AHI1: variants seen among roughly 807,000 people sequenced by gnomAD.
The protein encoded by AHI1 is Abelson helper integration site 1.
In AHI1, 123 loss-of-function variants were observed where a neutral mutation model predicts 149.3. The ratio of observed to expected loss-of-function variants is 0.82; its 90% CI spans 0.71 to 0.96. The LOEUF is 0.96. AHI1 is among the 40% of genes least tolerant of loss of function. AHI1 has a pLI of 0.00. For synonymous variants in AHI1, 475 were observed against 459.8 expected, an observed-to-expected ratio of 1.03 and a Z score of -0.42; for missense variants, 1,439 against 1,422.7, an observed-to-expected ratio of 1.01 and a Z score of -0.18.
chr6:135,326,872 T>C (rs1787784190), intron 24 of AHI1, among the ~76,000 whole-genome samples: 1 of 152,164 alleles, frequency 6.6e-6, no homozygotes, highest in Non-Finnish European at 1.5e-5. Flanking sequence ...CGACAGGTAA[T>C]TTTTCATTCT....
At chr6:135,408,034 CAA>C (rs745308071) in intron 21 of AHI1, among the ~76,000 whole-genome samples, 3 of 133,164 alleles carry the variant, frequency 2.3e-5, no homozygotes, top group African/African-American at 2.8e-5. Context: ...GATTCCGTCT[CAA>C]AAAAAAAAAA....
chr6:135,477,660 A>ACTCC (rs1421113522), intron 5 of AHI1, among the ~76,000 whole-genome samples: 10 of 145,826 alleles, frequency 6.9e-5, no homozygotes, highest in Non-Finnish European at 1.4e-4. Context: ...CCTCCTTCGC[A>ACTCC]CTCTCTCTCT....
intron 23 of AHI1, among the ~76,000 whole-genome samples, chr6:135,361,772 TTATATATATG>T (rs1162253261): frequency 2.6e-5 from 4 of 151,964 alleles, no homozygotes; most frequent in African/African-American, 7.2e-5. Flanking sequence ...ATGGTTTCAT[TTATATATATG>T]TATACGTGTA....
intron 23 of AHI1, among the ~76,000 whole-genome samples, chr6:135,377,708 T>G (rs1776156673): frequency 6.6e-6 from 1 of 152,106 alleles, no homozygotes; most frequent in Non-Finnish European, 1.5e-5. Flanking sequence ...CTTGAATTCC[T>G]GGCCTCAAGC....
chr6:135,381,482 C>A (rs1562625645), intron 23 of AHI1, among the ~76,000 whole-genome samples: 1 of 152,068 alleles, frequency 6.6e-6, no homozygotes, highest in Non-Finnish European at 1.5e-5. Context: ...GCCGTAAGAT[C>A]CTTGGGAGGC....
chr6:135,334,973 G>A (rs1052085715), intron 24 of AHI1, among the ~76,000 whole-genome samples: 6 of 152,060 alleles, frequency 3.9e-5, no homozygotes, highest in South Asian at 2.1e-4. Flanking sequence ...TGTACCTAAC[G>A]TTTAGTTAAT....
At chr6:135,490,367 T>A in intron 5 of AHI1, 1 of 656,064 alleles carries the variant, frequency 1.5e-6, no homozygotes, top group East Asian at 2.7e-5. Flanking sequence ...TAGTTTTGAG[T>A]TTCCCCACTA....
chr6:135,425,079 T>G (rs576789519), intron 20 of AHI1, among the ~76,000 whole-genome samples: 38 of 152,130 alleles, frequency 2.5e-4, no homozygotes, highest in African/African-American at 8.9e-4. Context: ...AACTTCTTCC[T>G]AAGCTTCCTC....
chr6:135,396,547 T>C (rs989000651), intron 22 of AHI1, among the ~76,000 whole-genome samples: 3 of 151,882 alleles, frequency 2.0e-5, no homozygotes, highest in Non-Finnish European at 4.4e-5. Flanking sequence ...ATATTAGTTA[T>C]TATTAACATC....
intron 23 of AHI1, among the ~76,000 whole-genome samples, chr6:135,393,826 T>A (rs1418477298): frequency 6.6e-6 from 1 of 152,056 alleles, no homozygotes; most frequent in Non-Finnish European, 1.5e-5. Flanking sequence ...AATATAAATA[T>A]CATTTTCAGT....
intron 22 of AHI1, among the ~76,000 whole-genome samples, chr6:135,397,918 A>C (rs1236414671): frequency 6.6e-6 from 1 of 152,114 alleles, no homozygotes; most frequent in Non-Finnish European, 1.5e-5. Flanking sequence ...CTGTCTGTAT[A>C]CTTAAAAGTT....
chr6:135,475,341 A>C (rs1476458186), intron 5 of AHI1, among the ~76,000 whole-genome samples: 1 of 152,180 alleles, frequency 6.6e-6, no homozygotes, highest in Non-Finnish European at 1.5e-5. Context: ...CAGTTAATTC[A>C]TGAGCCTGGG....
At chr6:135,293,882 G>A (rs1036881703) in intron 27 of AHI1, among the ~76,000 whole-genome samples, 2 of 152,268 alleles carry the variant, frequency 1.3e-5, no homozygotes, top group African/African-American at 2.4e-5. Context: ...TAAAATTCAC[G>A]TGGAAATGGA....
chr6:135,392,340 G>A (rs930541199), intron 23 of AHI1, among the ~76,000 whole-genome samples: 5 of 152,124 alleles, frequency 3.3e-5, no homozygotes, highest in African/African-American at 4.8e-5. Flanking sequence ...AGCAGTCTCC[G>A]TTACCTAGAA....
At position 135,477,660 on chromosome 6, in the gene AHI1, ACTCTCTCT is replaced by A. The variant is rs140797151; in HGVS notation, c.136-10034_136-10027del. Among the ~76,000 whole-genome samples, 15 of 145,894 alleles carry A rather than the reference ACTCTCTCT, an allele frequency of 1.0e-4. No individual in the cohort carries two copies. In the East Asian group the frequency reaches 1.6e-3, roughly 16 times the overall value. ...AAGTGTGTAGCACGTCCTCCTTCGCACTCTCTCTCTCTCTCTCTCCTGCTCTGGCCATG... is the reference window on the plus strand; with the variant it reads ...AAGTGTGTAGCACGTCCTCCTTCGCACTCTCTCTCTCCTGCTCTGGCCATG... On this transcript the variant is annotated intron_variant, in intron 5 of 28. Transcript: ENST00000265602.
rs1202752435 is a variant in AHI1 at position 135,379,770 on chromosome 6, C to G, written c.3109+15006G>C. Among the ~76,000 whole-genome samples, 3 of 152,178 alleles carry G rather than the reference C, an allele frequency of 2.0e-5. No homozygotes were observed. In the South Asian group the frequency reaches 6.2e-4, roughly 32 times the overall value. On this transcript the variant is annotated intron_variant, in intron 23 of 28. Transcript: ENST00000265602. ...GTTCCCTCCAATCTAGCTATACTGA[C>G]CTCTTTGCTGTTCAAAATGCATACC... is the stretch of plus-strand genomic sequence containing the variant.
At chr6:135,298,061 T>C (rs1220613313) in intron 27 of AHI1, among the ~76,000 whole-genome samples, 2 of 152,194 alleles carry the variant, frequency 1.3e-5, no homozygotes, top group Admixed American at 6.5e-5. Flanking sequence ...ATACAGGCTA[T>C]ATTAGTTAAC....
rs1261854317 is a variant in AHI1, at chr6:135,430,058, T to G, written c.2374-58A>C. ...AAGTTTGTCTAATGTTAAACTTTTT[T>G]GGGGGTACAAAATTAATCTTAAAAT... On this transcript the variant is annotated intron_variant, in intron 17 of 28. Coordinates refer to ENST00000265602, the MANE Select transcript of AHI1 (RefSeq NM_001134831.2). 1.3e-5 allele frequency: 12 copies of G among 905,886 alleles called. No individual in the cohort carries two copies. In the East Asian group the frequency reaches 1.9e-4, roughly 14 times the overall value. 56.1% of individuals were successfully genotyped at this position (905,886 alleles called of 1,614,324 possible).
chr6:135,367,169 A>C (rs1219373460), intron 23 of AHI1, among the ~76,000 whole-genome samples: 1 of 152,154 alleles, frequency 6.6e-6, no homozygotes, highest in Non-Finnish European at 1.5e-5. Flanking sequence ...GTTTTGTTTA[A>C]GGCGGCTAAA....
Sources: allele counts gnomAD v4.1 joint callset (sites outside exome capture counted in the v4.1 genomes callset), GRCh38; gene constraint gnomAD v4.1.1; transcripts MANE v1.5; gene names NCBI Gene and HGNC (gene_info 2026-07-23, HGNC 2026-07-21).